PTPN12: variants seen among roughly 807,000 people sequenced by gnomAD.
PTPN12 encodes the protein tyrosine-protein phosphatase non-receptor type 12.
Under a neutral mutation model 97.6 loss-of-function variants are expected in PTPN12, and 29 were observed. The observed-to-expected ratio is 0.30, with a 90% CI of 0.22 to 0.41. PTPN12 has a LOEUF of 0.41. Among genes scored for constraint, PTPN12 ranks in the 10% least tolerant of loss-of-function variants. PTPN12 has a pLI of 1.00. For synonymous variants in PTPN12, 327 were observed against 300.4 expected, an observed-to-expected ratio of 1.09 and a Z score of -0.91; for missense variants, 819 against 926.0, an observed-to-expected ratio of 0.88 and a Z score of 1.50.
At chr7:77,610,292 ATGTTCACAGTC>A (rs1387309822) in intron 9 of PTPN12, among the ~76,000 whole-genome samples, 4 of 152,224 alleles carry the variant, frequency 2.6e-5, no homozygotes, top group African/African-American at 9.6e-5. Context: ...TCTCTTTATT[ATGTTCACAGTC>A]TGATCCTAAA....
chr7:77,604,896 A>G (rs1772329173), intron 8 of PTPN12: 1 of 434,164 alleles, frequency 2.3e-6, no homozygotes, highest in African/African-American at 2.0e-5. Flanking sequence ...CTCCTTTGCC[A>G]CTTACTGAAC....
At position 77,635,660 on chromosome 7, in the gene PTPN12, A is replaced by G. The variant is rs576389701; in HGVS notation, c.2075-122A>G. On this transcript the variant is annotated intron_variant, in intron 14 of 17. Coordinates refer to ENST00000248594, the MANE Select transcript of PTPN12 (RefSeq NM_002835.4). ...TCAGAAATATGCTTACCCAGAAACT[A>G]CAAAATTTTTGTGGAAGCGATAGTT... 388 of 543,870 alleles carry G rather than the reference A, an allele frequency of 7.1e-4. 5 individuals are homozygous for G. The South Asian group carries it at 0.015, about 21-fold the overall frequency. 33.7% of individuals were successfully genotyped at this position (543,870 alleles called of 1,614,324 possible). A position where few individuals can be genotyped will look rare whatever the true frequency, so the allele number is the denominator to read the frequency against.
In PTPN12 at chr7:77,627,340, A is replaced by T; in HGVS notation, c.1661A>T (p.Asn554Ile). The T allele has an allele frequency of 6.2e-7, 1 of 1,614,010 alleles. No homozygotes were observed. Among genetic ancestry groups the T allele is most frequent in the South Asian group, 1.1e-5 (1 of 91,072 alleles). Reference protein sequence around the residue: ...AIPIPDLSEGNSSDINYQTRK... With the variant: ...AIPIPDLSEGISSDINYQTRK... The stretch of plus-strand genomic sequence containing the variant: ...CCCATACCTGATTTATCTGAAGGCA[A>T]TTCCTCAGATATCAACTATCAAACT... The change falls in exon 13 of 18, where the codon AAT becomes ATT. Residue 554 changes from asparagine to isoleucine, a missense_variant. Physicochemically the swap from Asn to Ile is moderately radical, Grantham distance 149 (BLOSUM62 -3). This residue lies in a region of PTPN12 where 607 missense variants were observed against 577.3 expected (regional missense o/e 1.05). Coordinates refer to ENST00000248594, the MANE Select transcript of PTPN12 (RefSeq NM_002835.4).
chr7:77,539,765 A>T (rs571544031), intron 1 of PTPN12, among the ~76,000 whole-genome samples: 1 of 152,086 alleles, frequency 6.6e-6, no homozygotes, highest in Non-Finnish European at 1.5e-5. Context: ...AGTAGCTGAG[A>T]TTATAGGCAC....
At chr7:77,596,748 C>T (rs1217327050) in intron 6 of PTPN12, among the ~76,000 whole-genome samples, 2 of 152,114 alleles carry the variant, frequency 1.3e-5, no homozygotes, top group Non-Finnish European at 2.9e-5. Flanking sequence ...TTTAGGTTTA[C>T]AGCAAAATTG....
chr7:77,578,386 T>C (rs1826238021), intron 2 of PTPN12, among the ~76,000 whole-genome samples: 1 of 152,152 alleles, frequency 6.6e-6, no homozygotes, highest in Admixed American at 6.5e-5. Flanking sequence ...GGATGGGACA[T>C]GTAGGGTGGC....
At chr7:77,578,751 A>G (rs1787415969) in intron 2 of PTPN12, among the ~76,000 whole-genome samples, 1 of 152,184 alleles carries the variant, frequency 6.6e-6, no homozygotes, top group Admixed American at 6.5e-5. Flanking sequence ...TAATTTGATA[A>G]TAATAATGGC....
chr7:77,574,137 A>G (rs972187301), intron 2 of PTPN12, among the ~76,000 whole-genome samples: 2 of 152,258 alleles, frequency 1.3e-5, no homozygotes, highest in Non-Finnish European at 2.9e-5. Flanking sequence ...GATGGACGAT[A>G]CATATTAACA....
chr7:77,580,148 C>T (rs1031809685), intron 2 of PTPN12, among the ~76,000 whole-genome samples: 3 of 152,160 alleles, frequency 2.0e-5, no homozygotes, highest in Non-Finnish European at 2.9e-5. Context: ...ATGGAATTCT[C>T]TGTTACACTA....
At chr7:77,626,335 T>C (rs946292375) in intron 12 of PTPN12, among the ~76,000 whole-genome samples, 1 of 152,164 alleles carries the variant, frequency 6.6e-6, no homozygotes, top group African/African-American at 2.4e-5. Context: ...AGAAGGACAC[T>C]TCCACAGTAG....
chr7:77,551,038 GTTTA>G (rs570706561), intron 1 of PTPN12, among the ~76,000 whole-genome samples: 2 of 151,876 alleles, frequency 1.3e-5, no homozygotes, highest in African/African-American at 2.4e-5. Flanking sequence ...GATCCCACTT[GTTTA>G]TTTATTTATT....
At chr7:77,618,407 C>A in intron 11 of PTPN12, 73 bp from the exon 12 acceptor site, 3 of 978,618 alleles carry the variant, frequency 3.1e-6, no homozygotes, top group South Asian at 1.9e-5. Flanking sequence ...AGCACAGAAA[C>A]AATTTAGTTG....
Position 77,591,077 on chromosome 7 carries a change from A to G in PTPN12, c.421-1108A>G, listed in dbSNP as rs140867438. Among the ~76,000 whole-genome samples the G allele has an allele frequency of 3.3e-3, 505 of 152,284 alleles. 4 individuals are homozygous for G. Among genetic ancestry groups the G allele is most frequent in the African/African-American group, 0.011 (440 of 41,568 alleles). On this transcript the variant is annotated intron_variant, in intron 5 of 17. Coordinates refer to ENST00000248594, the MANE Select transcript of PTPN12 (RefSeq NM_002835.4). The stretch of plus-strand genomic sequence containing the variant: ...TTTAATTTAATCATTTTCTGTAAAC[A>G]TCTCTTGGAAAATGAGATTTGGAAG...
chr7:77,610,996 C>G lies in PTPN12; in HGVS notation c.889C>G (p.Gln297Glu). Reference sequence around the variant, plus strand: ...AGCTATTGCCCAACTGTTTGAAAAACAGCTACAACTATATGAAATTCATGG... The same window carrying G: ...AGCTATTGCCCAACTGTTTGAAAAAGAGCTACAACTATATGAAATTCATGG... ...HRAIAQLFEKQLQLYEIHGAQ... is the reference protein window; with the variant it reads ...HRAIAQLFEKELQLYEIHGAQ... Residue 297 changes from glutamine (Q) to glutamate (E), a missense_variant, in exon 11 of 18, where the codon CAG becomes GAG. By Grantham distance (29) the Gln-to-Glu change is conservative. Transcript: ENST00000248594. 6.2e-7 allele frequency: 1 copy of G among 1,613,408 alleles called. No individual in the cohort carries two copies.
At chr7:77,627,996 A>G (rs1789262893) in intron 13 of PTPN12, among the ~76,000 whole-genome samples, 1 of 146,694 alleles carries the variant, frequency 6.8e-6, no homozygotes, top group South Asian at 2.1e-4. Context: ...ATTAGAAATA[A>G]TTTAGGGAAG....
At chr7:77,539,301 G>A (rs6960631) in intron 1 of PTPN12, among the ~76,000 whole-genome samples, 32,513 of 152,032 alleles carry the variant, frequency 0.21, 4,438 homozygotes, top group East Asian at 0.7. Context: ...ATCTTTTGAA[G>A]ATTGAAAATA....
At chr7:77,546,626 G>GT (rs991738600) in intron 1 of PTPN12, among the ~76,000 whole-genome samples, 4 of 152,028 alleles carry the variant, frequency 2.6e-5, no homozygotes, top group African/African-American at 7.2e-5. Context: ...CTCCCTAAAA[G>GT]TTTTTTTTGG....
chr7:77,625,304 G>A lies in PTPN12; in HGVS notation c.1026-1401G>A, dbSNP rs113152961. On this transcript the variant is annotated intron_variant, in intron 12 of 17. Coordinates refer to ENST00000248594, the MANE Select transcript of PTPN12 (RefSeq NM_002835.4). The stretch of plus-strand genomic sequence containing the variant: ...CTCATTCTTTCACCCAGGCTGGAGT[G>A]CAGTGGCATGATCAGAGCTCCCTGC... Among the ~76,000 whole-genome samples the A allele has an allele frequency of 2.7e-5, 4 of 149,228 alleles. 1 individual carries two copies. Among genetic ancestry groups the A allele is most frequent in the African/African-American group, 9.9e-5 (4 of 40,594 alleles).
intron 1 of PTPN12, among the ~76,000 whole-genome samples, chr7:77,538,389 C>T (rs1308781831): frequency 6.6e-6 from 1 of 150,846 alleles, no homozygotes; most frequent in Non-Finnish European, 1.5e-5. Context: ...TTCGGACTCC[C>T]CAGGGGATAT....
Sources: allele counts gnomAD v4.1 joint callset (sites outside exome capture counted in the v4.1 genomes callset), GRCh38; gene constraint gnomAD v4.1.1; regional missense constraint gnomAD v4.1.1; transcripts MANE v1.5; gene names NCBI Gene and HGNC (gene_info 2026-07-23, HGNC 2026-07-21).